CADM2: variants seen among roughly 807,000 people sequenced by gnomAD.
The protein encoded by CADM2 is cell adhesion molecule 2.
A neutral mutation model predicts 49.8 loss-of-function variants in CADM2; 12 were observed. That is an observed-to-expected ratio of 0.24 (90% CI 0.15 to 0.39). The LOEUF (loss-of-function observed/expected upper bound fraction) is 0.39. Among genes scored for constraint, CADM2 ranks in the 10% least tolerant of loss-of-function variants. The pLI is 1.00. For synonymous variants in CADM2, 214 were observed against 175.4 expected, an observed-to-expected ratio of 1.22 and a Z score of -1.74; for missense variants, 378 against 492.3, an observed-to-expected ratio of 0.77 and a Z score of 2.20.
chr3:84,982,575 C>T (rs11127872), intron 1 of CADM2, among the ~76,000 whole-genome samples: 7,442 of 149,974 alleles, frequency 0.05, 222 homozygotes, highest in East Asian at 0.1. Context: ...GATATGAAAC[C>T]AATAACAGAC....
intron 1 of CADM2, among the ~76,000 whole-genome samples, chr3:85,689,992 A>C (rs1331350290): frequency 6.6e-6 from 1 of 152,218 alleles, no homozygotes; most frequent in African/African-American, 2.4e-5. Flanking sequence ...GTATCTGGGC[A>C]AAATTACTGC....
At chr3:85,323,686 CATATCAATTCT>C (rs1285595184) in intron 1 of CADM2, among the ~76,000 whole-genome samples, 1 of 152,180 alleles carries the variant, frequency 6.6e-6, no homozygotes, top group Non-Finnish European at 1.5e-5. Context: ...ATTACAAAAT[CATATCAATTCT>C]ATTTCCAATA....
intron 1 of CADM2, among the ~76,000 whole-genome samples, chr3:85,406,822 T>A (rs1203364369): frequency 6.6e-6 from 1 of 152,176 alleles, no homozygotes. Flanking sequence ...GCTGCTTACC[T>A]GTCATACCAC....
chr3:84,989,099 CCT>C (rs954869069), intron 1 of CADM2, among the ~76,000 whole-genome samples: 11 of 152,076 alleles, frequency 7.2e-5, no homozygotes, highest in Non-Finnish European at 1.6e-4. Context: ...AGACCAATTA[CCT>C]GTTTTGCTGA....
chr3:85,412,574 T>C (rs2035705767), intron 1 of CADM2, among the ~76,000 whole-genome samples: 2 of 151,534 alleles, frequency 1.3e-5, no homozygotes. Flanking sequence ...CATTACCAAC[T>C]AATAGAAAAG....
At chr3:85,872,582 T>A (rs1001737710) in intron 3 of CADM2, among the ~76,000 whole-genome samples, 3 of 151,660 alleles carry the variant, frequency 2.0e-5, no homozygotes, top group Admixed American at 1.3e-4. Flanking sequence ...CTTCAATAAT[T>A]TTAATTTTGC....
At chr3:85,988,532 G>C (rs1272467224) in intron 8 of CADM2, among the ~76,000 whole-genome samples, 1 of 152,080 alleles carries the variant, frequency 6.6e-6, no homozygotes, top group African/African-American at 2.4e-5. Context: ...GCCCCAGTGA[G>C]TCCACAGGTT....
chr3:85,173,138 G>C (rs770226965), intron 1 of CADM2, among the ~76,000 whole-genome samples: 25 of 150,756 alleles, frequency 1.7e-4, no homozygotes, highest in Non-Finnish European at 3.4e-4. Flanking sequence ...GGGACTACAG[G>C]TGCCCGCCAC....
intron 1 of CADM2, among the ~76,000 whole-genome samples, chr3:85,002,082 A>AT (rs1178143650): frequency 6.6e-6 from 1 of 151,676 alleles, no homozygotes; most frequent in African/African-American, 2.4e-5. Context: ...TTAGGACCAC[A>AT]TTTTTTTTCT....
rs541808857 is a variant in CADM2 at position 85,197,861 on chromosome 3, A to G, written c.61+238193A>G. On this transcript the variant is annotated intron_variant, in intron 1 of 9. Transcript: ENST00000383699. The stretch of plus-strand genomic sequence containing the variant: ...GTAACTTGTCCAGGGAATGGTTTGT[A>G]GTGTCTGAAGGGCCTCTTGTTGCTT... Among the ~76,000 whole-genome samples, 24 of 152,016 alleles carry G rather than the reference A, an allele frequency of 1.6e-4. No homozygotes were observed. In the South Asian group the frequency reaches 4.3e-3, roughly 28 times the overall value.
chr3:85,354,452 A>T (rs1317621549), intron 1 of CADM2, among the ~76,000 whole-genome samples: 1 of 151,642 alleles, frequency 6.6e-6, no homozygotes, highest in Non-Finnish European at 1.5e-5. Context: ...ATGTATACAT[A>T]TGTAACAAAC....
At chr3:85,709,083 C>T (rs1230430929) in intron 1 of CADM2, among the ~76,000 whole-genome samples, 2 of 151,930 alleles carry the variant, frequency 1.3e-5, no homozygotes, top group Non-Finnish European at 2.9e-5. Context: ...TGTTTATTAT[C>T]GTTAGTGAAA....
At chr3:85,354,880 T>G (rs62253107) in intron 1 of CADM2, among the ~76,000 whole-genome samples, 84,669 of 151,896 alleles carry the variant, frequency 0.56, 28,253 homozygotes, top group East Asian at 0.81. Flanking sequence ...TATACATATT[T>G]ACTGTGCTAT....
intron 1 of CADM2, among the ~76,000 whole-genome samples, chr3:85,406,965 G>A (rs535172273): frequency 3.9e-5 from 6 of 152,256 alleles, no homozygotes; most frequent in African/African-American, 1.4e-4. Context: ...GAAGGCGGAG[G>A]TGGGAGGATC....
At chr3:85,310,572 A>T (rs1260950976) in intron 1 of CADM2, among the ~76,000 whole-genome samples, 1 of 152,212 alleles carries the variant, frequency 6.6e-6, no homozygotes. Flanking sequence ...TACTTTAGGC[A>T]GCAGAATCCC....
intron 3 of CADM2, among the ~76,000 whole-genome samples, chr3:85,829,014 A>G (rs1196775290): frequency 6.6e-6 from 1 of 151,926 alleles, no homozygotes; most frequent in African/African-American, 2.4e-5. Flanking sequence ...ATTTGACCAT[A>G]AGTATACTTT....
At chr3:85,295,777 T>G (rs2043945200) in intron 1 of CADM2, among the ~76,000 whole-genome samples, 1 of 151,062 alleles carries the variant, frequency 6.6e-6, no homozygotes, top group African/African-American at 2.4e-5. Context: ...GGGACTGTTG[T>G]GGGGTTGGGG....
chr3:85,913,076 C>A (rs1195980823), intron 6 of CADM2, among the ~76,000 whole-genome samples: 1 of 152,010 alleles, frequency 6.6e-6, no homozygotes, highest in African/African-American at 2.4e-5. Context: ...TCTAATAGAT[C>A]GGGGCAGTGC....
At chr3:85,491,975 C>G (rs114541602) in intron 1 of CADM2, among the ~76,000 whole-genome samples, 1 of 150,186 alleles carries the variant, frequency 6.7e-6, no homozygotes, top group African/African-American at 2.4e-5. Context: ...TTCTTCTGTA[C>G]AACTCCAAGT....
Sources: gnomAD v4.1 joint callset for allele counts (sites outside exome capture counted in the v4.1 genomes callset) on GRCh38, gnomAD v4.1.1 for gene constraint, MANE v1.5 for transcripts, NCBI Gene and HGNC (gene_info 2026-07-23, HGNC 2026-07-21) for gene names.